Variants in QTMAN observed in about 807,000 individuals in gnomAD.
QTMAN encodes tRNA-queuosine alpha-mannosyltransferase.
At chr2:144,240,185 C>T in the QTMAN span, among the ~76,000 whole-genome samples, 1 of 152,110 alleles carries the variant, frequency 6.6e-6, no homozygotes, top group African/African-American at 2.4e-5. Flanking sequence ...TTTAATAAGA[C>T]TCAGCAGGAC....
chr2:144,126,836 A>G, the QTMAN span, among the ~76,000 whole-genome samples: 4 of 151,962 alleles, frequency 2.6e-5, no homozygotes, highest in Non-Finnish European at 5.9e-5. Context: ...AGGCTCTATC[A>G]CCTAAGGACT....
the QTMAN span, among the ~76,000 whole-genome samples, chr2:144,304,508 A>T: frequency 6.6e-6 from 1 of 152,260 alleles, no homozygotes; most frequent in Admixed American, 6.5e-5. Context: ...AAAATCAGTC[A>T]ATAAAAAATA....
At chr2:144,221,343 A>G in the QTMAN span, among the ~76,000 whole-genome samples, 1 of 152,216 alleles carries the variant, frequency 6.6e-6, no homozygotes, top group Non-Finnish European at 1.5e-5. Flanking sequence ...CAATCAAAAT[A>G]TCCTACAAAA....
At chr2:143,938,519 T>TG in the QTMAN span, 1 of 152,168 alleles carries the variant, frequency 6.6e-6, no homozygotes, top group Non-Finnish European at 1.5e-5. Context: ...TTAGAAGGGG[T>TG]GGTCTCTTTG....
the QTMAN span, among the ~76,000 whole-genome samples, chr2:144,175,392 A>C: frequency 4.6e-5 from 7 of 152,058 alleles, no homozygotes; most frequent in Middle Eastern, 3.2e-3. Flanking sequence ...AAGTCTGCCA[A>C]AAAAAATTTT....
the QTMAN span, among the ~76,000 whole-genome samples, chr2:144,299,562 G>C: frequency 8.5e-5 from 13 of 152,258 alleles, no homozygotes; most frequent in Middle Eastern, 3.4e-3. Context: ...CTCACAGTAA[G>C]CCCTTACTTA....
At chr2:144,272,198 G>GA in the QTMAN span, among the ~76,000 whole-genome samples, 17 of 151,846 alleles carry the variant, frequency 1.1e-4, no homozygotes, top group South Asian at 2.3e-3. Context: ...ACAATAGGGG[G>GA]AAAAAAACAA....
At chr2:144,060,633 T>C in the QTMAN span, among the ~76,000 whole-genome samples, 1 of 152,328 alleles carries the variant, frequency 6.6e-6, no homozygotes, top group South Asian at 2.1e-4. Flanking sequence ...TGGCTTTCTC[T>C]ACAACCAAAA....
At chr2:144,007,613 C>T in the QTMAN span, 4 of 864,074 alleles carry the variant, frequency 4.6e-6, no homozygotes, top group Non-Finnish European at 6.9e-6. Context: ...CCTGTAAGTA[C>T]ATAATGATTA....
chr2:144,114,482 T>TA, the QTMAN span, among the ~76,000 whole-genome samples: 1 of 152,174 alleles, frequency 6.6e-6, no homozygotes. Context: ...GTAATCTGTT[T>TA]TATCAATATA....
chr2:144,003,801 A>G, the QTMAN span, among the ~76,000 whole-genome samples: 2 of 152,062 alleles, frequency 1.3e-5, no homozygotes, highest in Non-Finnish European at 2.9e-5. Flanking sequence ...AGTAGGCTCT[A>G]CATTTGGTTG....
chr2:144,284,012 A>T, the QTMAN span, among the ~76,000 whole-genome samples: 1 of 152,048 alleles, frequency 6.6e-6, no homozygotes, highest in Admixed American at 6.5e-5. Context: ...AAAGAAATAA[A>T]TACTAAATAT....
chr2:144,271,544 C>G, the QTMAN span, among the ~76,000 whole-genome samples: 5 of 152,140 alleles, frequency 3.3e-5, no homozygotes, highest in Non-Finnish European at 5.9e-5. Context: ...CAGTAACTTT[C>G]CTACATAAAG....
At chr2:144,200,556 T>C in the QTMAN span, among the ~76,000 whole-genome samples, 1 of 152,186 alleles carries the variant, frequency 6.6e-6, no homozygotes, top group Non-Finnish European at 1.5e-5. Context: ...TTAAGAAAGT[T>C]AGAAAATGTA....
chr2:144,136,350 G>A, the QTMAN span, among the ~76,000 whole-genome samples: 3 of 140,558 alleles, frequency 2.1e-5, no homozygotes, highest in African/African-American at 8.3e-5. Flanking sequence ...GGGGAGCGGA[G>A]GGGAGGGAAC....
At chr2:143,991,891 C>T in the QTMAN span, among the ~76,000 whole-genome samples, 1 of 149,430 alleles carries the variant, frequency 6.7e-6, no homozygotes, top group East Asian at 2.1e-4. Flanking sequence ...TGGCCAGCCA[C>T]CCCGTCCGGG....
chr2:144,044,423 T>C, the QTMAN span, among the ~76,000 whole-genome samples: 1 of 152,160 alleles, frequency 6.6e-6, no homozygotes, highest in Non-Finnish European at 1.5e-5. Flanking sequence ...TCAAATGCAG[T>C]TGCAAATCTT....
the QTMAN span, among the ~76,000 whole-genome samples, chr2:144,055,037 T>C: frequency 1.3e-5 from 2 of 152,144 alleles, no homozygotes; most frequent in African/African-American, 4.8e-5. Flanking sequence ...AACTTATGTT[T>C]GATGCTCTGT....
chr2:144,260,329 G>A, the QTMAN span, among the ~76,000 whole-genome samples: 1 of 152,018 alleles, frequency 6.6e-6, no homozygotes, highest in Non-Finnish European at 1.5e-5. Context: ...ATATATGTAT[G>A]TGTGTGGGTA....
Sources: gnomAD v4.1 joint callset for allele counts (sites outside exome capture counted in the v4.1 genomes callset) on GRCh38, gnomAD v4.1.1 for gene constraint, MANE v1.5 for transcripts, NCBI Gene and HGNC (gene_info 2026-07-23, HGNC 2026-07-21) for gene names.